Variants in ZNF23 observed in about 807,000 individuals in gnomAD.
ZNF23 encodes the protein kruppel-like zinc finger factor X31.
In ZNF23, 48 loss-of-function variants were observed where a neutral mutation model predicts 56.2. The ratio of observed to expected loss-of-function variants is 0.85; its 90% CI spans 0.68 to 1.09. The LOEUF is 1.09. ZNF23 is among the 50% of genes least tolerant of loss of function. The probability of loss-of-function intolerance (pLI) is 0.00; values close to 1 mark genes in which losing one functional copy is unlikely to be tolerated. For synonymous variants in ZNF23, 266 were observed against 283.3 expected, an observed-to-expected ratio of 0.94 and a Z score of 0.61; for missense variants, 805 against 811.4, an observed-to-expected ratio of 0.99 and a Z score of 0.10.
At chr16:71,452,068 A>C (rs924824353) in intron 4 of ZNF23, 6 of 152,250 alleles carry the variant, frequency 3.9e-5, no homozygotes, top group Non-Finnish European at 7.3e-5. Flanking sequence ...ACACACACTG[A>C]CTACATTAAT....
intron 1 of ZNF23, among the ~76,000 whole-genome samples, chr16:71,459,937 A>T (rs1338293845): frequency 6.6e-6 from 1 of 152,194 alleles, no homozygotes. Flanking sequence ...TAGATAATAA[A>T]CCAACTCTAC....
chr16:71,455,359 AT>A (rs554544599), intron 2 of ZNF23, among the ~76,000 whole-genome samples: 28 of 147,958 alleles, frequency 1.9e-4, no homozygotes, highest in Non-Finnish European at 2.0e-4. Flanking sequence ...TGTCCGAAAG[AT>A]TTTTTTTTTT....
chr16:71,450,585 G>T, intron 4 of ZNF23: 1 of 351,910 alleles, frequency 2.8e-6, no homozygotes, highest in South Asian at 2.0e-5. Context: ...CGGGTGTGGT[G>T]GTACGTGCCT....
chr16:71,449,674 CA>C lies in ZNF23; in HGVS notation c.479del (p.Val160GlyfsTer40). 6.2e-7 allele frequency: 1 copy of C among 1,613,728 alleles called. No homozygotes were observed. The highest frequency in any genetic ancestry group is 8.5e-7 in the Non-Finnish European group (1 of 1,180,020). The stretch of plus-strand genomic sequence containing the variant: ...AACTTTGACTAAAAAAACACTCCTC[CA>C]CGGGGCTTGTCTCATCTTTCACTGT... The part of the protein sequence containing the change: ...DGTVKDETSP[V>X]EECFFSQSSN... On this transcript the variant is annotated frameshift_variant, in exon 5 of 5. Transcript: ENST00000647773. LOFTEE classifies it high-confidence loss of function.
chr16:71,456,520 G>A (rs893486152), intron 2 of ZNF23, among the ~76,000 whole-genome samples: 4 of 152,082 alleles, frequency 2.6e-5, no homozygotes, highest in African/African-American at 4.8e-5. Context: ...TGCTCCTGTA[G>A]AGAGGAGCAG....
intron 4 of ZNF23, chr16:71,451,077 A>G (rs61291392): frequency 0.02 from 3,104 of 154,720 alleles, 100 homozygotes; most frequent in African/African-American, 0.07. Flanking sequence ...CTTTCTTCCC[A>G]TTCCCCTCCA....
In ZNF23 at chr16:71,448,170, T is replaced by C; in HGVS notation, c.1984A>G (p.Ser662Gly). 1 of 1,614,224 alleles carries C rather than the reference T, an allele frequency of 6.2e-7. No homozygotes were observed. The highest frequency in any genetic ancestry group is 8.5e-7 in the Non-Finnish European group (1 of 1,180,030). Residue 662 changes from serine to glycine, a missense_variant, in exon 5 of 5, where the codon AGT (serine) becomes GGT (glycine). Physicochemically the swap from Ser to Gly is moderately conservative, Grantham distance 56. Transcript: ENST00000647773. ...VHTWKKPYMC[S>G]VCGKAFRFSF... ...AACCTGAATGCTTTCCCACACACACTACACATATAGGGTTTCTTCCAAGTG... is the reference window on the plus strand; with the variant it reads ...AACCTGAATGCTTTCCCACACACACCACACATATAGGGTTTCTTCCAAGTG...
At chr16:71,451,322 T>C (rs999297740) in intron 4 of ZNF23, 8 of 152,184 alleles carry the variant, frequency 5.3e-5, no homozygotes, top group African/African-American at 1.9e-4. Context: ...TATTTCATAA[T>C]TGCCCTCAAT....
At chr16:71,450,053 TAG>T in intron 4 of ZNF23, 168 bp from the exon 5 acceptor site, 1 of 518,262 alleles carries the variant, frequency 1.9e-6, no homozygotes, top group East Asian at 3.1e-5. Context: ...TGTAACTAAC[TAG>T]TAAAAGAATA....
Position 71,448,697 on chromosome 16 carries a change from G to A in ZNF23, c.1457C>T (p.Thr486Ile). ...ATTACACTCATAGGGCTTCTCCCCA[G>A]TGTGAATTCTCAGATGCTGCCGAAA... Reference protein sequence around the residue: ...SQFRQHLRIHTGEKPYECNEC... With the variant: ...SQFRQHLRIHIGEKPYECNEC... Residue 486 changes from threonine to isoleucine, a missense_variant, in exon 5 of 5, where the codon ACT becomes ATT. Physicochemically the swap from Thr to Ile is moderately conservative, Grantham distance 89 (BLOSUM62 -1). Coordinates refer to ENST00000647773, the MANE Select transcript of ZNF23 (RefSeq NM_001381984.1). The A allele has an allele frequency of 1.9e-6, 3 of 1,614,116 alleles. No individual in the cohort carries two copies. The highest frequency in any genetic ancestry group is 2.2e-5 in the South Asian group (2 of 91,078).
chr16:71,456,166 G>A, intron 2 of ZNF23: 1 of 421,574 alleles, frequency 2.4e-6, no homozygotes, highest in South Asian at 1.7e-5. Flanking sequence ...ATGTTCTGCA[G>A]GTTCCCCGCA....
chr16:71,460,854 ATAT>A (rs1182334120), intron 1 of ZNF23, among the ~76,000 whole-genome samples: 2 of 151,578 alleles, frequency 1.3e-5, no homozygotes, highest in Non-Finnish European at 2.9e-5. Context: ...ACGTACAAAA[ATAT>A]TATCAGCACA....
chr16:71,455,674 AGCATTAC>A, intron 2 of ZNF23, among the ~76,000 whole-genome samples: 1 of 152,102 alleles, frequency 6.6e-6, no homozygotes, highest in Non-Finnish European at 1.5e-5. Context: ...TTCTATCTTA[AGCATTAC>A]TTGAATTGGA....
intron 1 of ZNF23, chr16:71,461,534 G>A (rs1055454196): frequency 6.6e-6 from 1 of 152,130 alleles, no homozygotes; most frequent in African/African-American, 2.4e-5. Context: ...TTTTCATGGG[G>A]GTATGAATTA....
chr16:71,459,079 A>G (rs1567564573), intron 1 of ZNF23, among the ~76,000 whole-genome samples: 1 of 152,212 alleles, frequency 6.6e-6, no homozygotes, highest in African/African-American at 2.4e-5. Flanking sequence ...TCCTCAGTCC[A>G]GTTCTACAGA....
At chr16:71,460,422 G>A (rs940734988) in intron 1 of ZNF23, among the ~76,000 whole-genome samples, 2 of 152,130 alleles carry the variant, frequency 1.3e-5, no homozygotes, top group Admixed American at 1.3e-4. Flanking sequence ...AAGATGGCCA[G>A]TGAAGAACTA....
chr16:71,453,836 T>C (rs1441514805), intron 3 of ZNF23: 2 of 624,420 alleles, frequency 3.2e-6, no homozygotes, highest in Non-Finnish European at 5.6e-6. Context: ...CAACAGTGCA[T>C]ACCAGTTCCA....
chr16:71,461,153 C>A (rs564155117), intron 1 of ZNF23, among the ~76,000 whole-genome samples: 1 of 152,172 alleles, frequency 6.6e-6, no homozygotes, highest in South Asian at 2.1e-4. Flanking sequence ...ATAACTGTTA[C>A]CTCTAGGGGT....
chr16:71,461,978 T>G (rs1204142260), intron 1 of ZNF23: 1 of 152,232 alleles, frequency 6.6e-6, no homozygotes, highest in Non-Finnish European at 1.5e-5. Flanking sequence ...GACAGCAACG[T>G]GCGTTTCCCC....
Sources: allele counts gnomAD v4.1 joint callset (sites outside exome capture counted in the v4.1 genomes callset), GRCh38; gene constraint gnomAD v4.1.1; transcripts MANE v1.5; gene names NCBI Gene and HGNC (gene_info 2026-07-23, HGNC 2026-07-21).